Variants in BRDT observed in about 807,000 individuals in gnomAD.
BRDT encodes the protein bromodomain testis associated.
In BRDT, 77 loss-of-function variants were observed where a neutral mutation model predicts 113.9. The observed-to-expected ratio is 0.68, with a 90% CI of 0.56 to 0.82. The LOEUF (loss-of-function observed/expected upper bound fraction) is 0.82, where lower values mean the gene tolerates loss of function less well. Among genes scored for constraint, BRDT ranks in the 40% least tolerant of loss-of-function variants. The probability of loss-of-function intolerance (pLI) is 0.00; values close to 1 mark genes in which losing one functional copy is unlikely to be tolerated. For synonymous variants in BRDT, 358 were observed against 366.5 expected, an observed-to-expected ratio of 0.98 and a Z score of 0.26; for missense variants, 1,027 against 1,105.4, an observed-to-expected ratio of 0.93 and a Z score of 1.01.
chr1:91,957,916 C>T (rs1681971636), intron 1 of BRDT, among the ~76,000 whole-genome samples: 1 of 152,070 alleles, frequency 6.6e-6, no homozygotes, highest in Non-Finnish European at 1.5e-5. Flanking sequence ...CATCTTGGCT[C>T]ACAACCTTCA....
At position 91,964,010 on chromosome 1, in the gene BRDT, G is replaced by A. The variant is rs1682788697; in HGVS notation, c.193-617G>A. Among the ~76,000 whole-genome samples the A allele has an allele frequency of 2.6e-5, 4 of 152,026 alleles. No individual in the cohort carries two copies. The South Asian group carries it at 8.3e-4, about 32-fold the overall frequency. On this transcript the variant is annotated intron_variant, in intron 2 of 18. Transcript: ENST00000399546. ...CCTCACCCTCCCAAGTAGCTGGGAAGACAGGCATGTGCCAGCACACCTGGC... is the reference window on the plus strand; with the variant it reads ...CCTCACCCTCCCAAGTAGCTGGGAAAACAGGCATGTGCCAGCACACCTGGC...
chr1:91,980,930 C>T lies in BRDT; in HGVS notation c.1502C>T (p.Ser501Phe). 1 of 1,611,816 alleles carries T rather than the reference C, an allele frequency of 6.2e-7. No homozygotes were observed. The highest frequency in any genetic ancestry group is 8.5e-7 in the Non-Finnish European group (1 of 1,179,546). ...AAACAACAGTTCATTGGTCTAAAAT[C>T]TGAAGATGAAGATAATGCTAAACCT... is the stretch of plus-strand genomic sequence containing the variant. The part of the protein sequence containing the change: ...KRKQQFIGLK[S>F]EDEDNAKPMN... Residue 501 changes from serine to phenylalanine, a missense_variant, in exon 10 of 19, where the codon TCT becomes TTT. Physicochemically the swap from Ser to Phe is radical, Grantham distance 155. Transcript: ENST00000399546.
chr1:91,999,865 C>T (rs1686679134), intron 15 of BRDT, among the ~76,000 whole-genome samples: 2 of 152,132 alleles, frequency 1.3e-5, no homozygotes, highest in African/African-American at 4.8e-5. Flanking sequence ...TGAATTCCCC[C>T]TTTTAGTCCT....
chr1:91,981,413 T>C, intron 11 of BRDT, 32 bp downstream of exon 11: 1 of 1,549,738 alleles, frequency 6.5e-7, no homozygotes, highest in South Asian at 1.1e-5. Flanking sequence ...TTTGTATGTA[T>C]GTATGTATGT....
chr1:92,002,442 C>T (rs553946868), intron 16 of BRDT, among the ~76,000 whole-genome samples: 2 of 152,286 alleles, frequency 1.3e-5, no homozygotes, highest in South Asian at 4.1e-4. Context: ...CGGCTCACTG[C>T]AACCTCTGCC....
chr1:91,977,813 G>C (rs1179856030), intron 6 of BRDT, among the ~76,000 whole-genome samples: 2 of 151,990 alleles, frequency 1.3e-5, no homozygotes, highest in Non-Finnish European at 2.9e-5. Flanking sequence ...AGAGGTTGCA[G>C]TGAGCGGAGA....
intron 12 of BRDT, among the ~76,000 whole-genome samples, chr1:91,983,918 G>C (rs935667312): frequency 6.6e-6 from 1 of 152,146 alleles, no homozygotes; most frequent in East Asian, 1.9e-4. Flanking sequence ...CTGACCTCAA[G>C]TAATTCTCCC....
At position 91,990,932 on chromosome 1, in the gene BRDT, G is replaced by A. The variant is rs372819865; in HGVS notation, c.2003-252G>A. ...CCTGCCTCAGCCTCCTGAGTAGCTGGGACTACAGGCGTGTGCCACCACACC... is the reference window on the plus strand; with the variant it reads ...CCTGCCTCAGCCTCCTGAGTAGCTGAGACTACAGGCGTGTGCCACCACACC... On this transcript the variant is annotated intron_variant, in intron 12 of 18. Coordinates refer to ENST00000399546, the MANE Select transcript of BRDT (RefSeq NM_207189.4). Among the ~76,000 whole-genome samples the A allele has an allele frequency of 7.2e-5, 11 of 152,204 alleles. No homozygotes were observed. The South Asian group carries it at 1.7e-3, about 23-fold the overall frequency.
chr1:92,009,955 T>C (rs1687656205), intron 18 of BRDT, among the ~76,000 whole-genome samples: 1 of 152,156 alleles, frequency 6.6e-6, no homozygotes, highest in South Asian at 2.1e-4. Context: ...TAAAGGTACT[T>C]GTTCACTGTC....
chr1:91,954,445 A>AT (rs373136399), intron 1 of BRDT, among the ~76,000 whole-genome samples: 126 of 151,506 alleles, frequency 8.3e-4, no homozygotes, highest in African/African-American at 2.6e-3. Context: ...ATGCCCAGTT[A>AT]TTTTTTGTAT....
At chr1:91,978,404 G>A in intron 7 of BRDT, 108 bp downstream of exon 7, 1 of 1,271,534 alleles carries the variant, frequency 7.9e-7, no homozygotes, top group Non-Finnish European at 1.1e-6. Flanking sequence ...ACACCTCTAA[G>A]TATTAAATGG....
intron 12 of BRDT, among the ~76,000 whole-genome samples, chr1:91,988,441 T>A (rs896811174): frequency 2.6e-5 from 4 of 151,778 alleles, no homozygotes; most frequent in Non-Finnish European, 5.9e-5. Flanking sequence ...TGCTCTGTCA[T>A]CCAGGCTGGA....
At chr1:91,986,992 C>G (rs529344916) in intron 12 of BRDT, among the ~76,000 whole-genome samples, 1 of 151,068 alleles carries the variant, frequency 6.6e-6, no homozygotes, top group Non-Finnish European at 1.5e-5. Flanking sequence ...GGCTGGAGGG[C>G]AGTGGCTCGA....
chr1:91,965,278 A>G (rs1197292708), intron 3 of BRDT, among the ~76,000 whole-genome samples: 3 of 152,032 alleles, frequency 2.0e-5, no homozygotes, highest in Admixed American at 2.0e-4. Context: ...TCACATACCA[A>G]TACTTGTTCA....
At chr1:91,986,342 A>G (rs1685239514) in intron 12 of BRDT, among the ~76,000 whole-genome samples, 1 of 152,228 alleles carries the variant, frequency 6.6e-6, no homozygotes, top group South Asian at 2.1e-4. Context: ...CAAAAGGAAC[A>G]GCTTATCAAT....
intron 12 of BRDT, among the ~76,000 whole-genome samples, chr1:91,986,788 T>G (rs1229751326): frequency 6.6e-6 from 1 of 152,192 alleles, no homozygotes; most frequent in Non-Finnish European, 1.5e-5. Flanking sequence ...CAACAAACTT[T>G]GTTCAAGCCT....
chr1:91,960,133 G>C (rs1222781252), intron 1 of BRDT, among the ~76,000 whole-genome samples: 1 of 152,138 alleles, frequency 6.6e-6, no homozygotes, highest in Admixed American at 6.6e-5. Context: ...ATGGAAAATG[G>C]GATGGGCTTC....
At chr1:91,991,454 A>G (rs1412190848) in intron 13 of BRDT, among the ~76,000 whole-genome samples, 2 of 152,204 alleles carry the variant, frequency 1.3e-5, no homozygotes, top group Non-Finnish European at 2.9e-5. Flanking sequence ...AAGACATAAC[A>G]TTTATGTAAG....
At chr1:91,973,308 A>G (rs921405306) in intron 4 of BRDT, among the ~76,000 whole-genome samples, 2 of 152,096 alleles carry the variant, frequency 1.3e-5, no homozygotes, top group East Asian at 3.8e-4. Context: ...GTTTTTTCCA[A>G]TTCTGTGAAG....
Sources: gnomAD v4.1 joint callset for allele counts (sites outside exome capture counted in the v4.1 genomes callset) on GRCh38, gnomAD v4.1.1 for gene constraint, MANE v1.5 for transcripts, NCBI Gene and HGNC (gene_info 2026-07-23, HGNC 2026-07-21) for gene names.